Variants in VSIG4 observed in about 807,000 individuals in gnomAD.
VSIG4 encodes V-set and immunoglobulin domain-containing protein 4.
A neutral mutation model predicts 23.4 loss-of-function variants in VSIG4; 34 were observed. The observed-to-expected ratio is 1.45, with a 90% CI of 1.10 to 1.93. VSIG4 has a LOEUF of 1.93. VSIG4 is among the 30% of genes most tolerant of loss of function. The pLI is 0.00. For synonymous variants in VSIG4, 169 were observed against 120.3 expected (o/e 1.41, Z -2.65); for missense variants, 433 against 310.8 (o/e 1.39, Z -2.96).
chrX:66,033,810 G>C lies in VSIG4; in HGVS notation c.76C>G (p.Pro26Ala). The change falls in exon 2 of 8, where the codon CCA (proline) becomes GCA (alanine). Residue 26 changes from proline (P) to alanine (A), a missense_variant. Pro to Ala is a conservative substitution (Grantham distance 27). Coordinates refer to ENST00000374737, the MANE Select transcript of VSIG4 (RefSeq NM_007268.3). Reference sequence around the variant, plus strand: ...TTCCAAGGTCCTGTTACACTCTCTGGCACTTCCAGGATGGGACGGCCTGAA... The same window carrying C: ...TTCCAAGGTCCTGTTACACTCTCTGCCACTTCCAGGATGGGACGGCCTGAA... ...DTYGRPILEV[P>A]ESVTGPWKGD... 1 of 1,207,082 alleles carries C rather than the reference G, an allele frequency of 8.3e-7. No homozygotes were observed. Among genetic ancestry groups the C allele is most frequent in the Non-Finnish European group, 1.1e-6 (1 of 892,852 alleles).
chrX:66,037,534 CATAATATATT>C (rs2085626304), intron 1 of VSIG4, among the ~76,000 whole-genome samples: 1 of 13,706 alleles, frequency 7.3e-5, no homozygotes, highest in African/African-American at 4.0e-4. Context: ...ATAATATATT[CATAATATATT>C]ATATTATATT....
In VSIG4 at chrX:66,033,666, C is replaced by T. The variant is rs779748288; in HGVS notation, c.220G>A (p.Gly74Arg). ...PVTIFLRDSSGDHIQQAKYQG... is the reference protein window; with the variant it reads ...PVTIFLRDSSRDHIQQAKYQG... The stretch of plus-strand genomic sequence containing the variant: ...TACTTTGCCTGCTGGATATGGTCTC[C>T]AGAAGAGTCACGTAGAAAGATGGTG... Residue 74 changes from glycine (G) to arginine (R), a missense_variant, in exon 2 of 8, where the codon GGA becomes AGA. Coordinates refer to ENST00000374737, the MANE Select transcript of VSIG4 (RefSeq NM_007268.3). The T allele has an allele frequency of 1.7e-5, 21 of 1,209,311 alleles. No homozygotes were observed. Among genetic ancestry groups the T allele is most frequent in the Non-Finnish European group, 2.3e-5 (21 of 895,060 alleles).
intron 1 of VSIG4, among the ~76,000 whole-genome samples, chrX:66,034,189 C>A (rs891268829): frequency 8.9e-6 from 1 of 112,321 alleles, no homozygotes; most frequent in Non-Finnish European, 1.9e-5. Flanking sequence ...TCTATCAAAT[C>A]TGTCATTCTG....
At chrX:66,023,978 G>A (rs910031783) in intron 6 of VSIG4, among the ~76,000 whole-genome samples, 4 of 112,406 alleles carry the variant, frequency 3.6e-5, no homozygotes, top group Admixed American at 2.8e-4. Flanking sequence ...TCAGCCTCAT[G>A]GTGATAAACA....
At chrX:66,039,657 T>C (rs2085660680) in intron 1 of VSIG4, among the ~76,000 whole-genome samples, 1 of 112,106 alleles carries the variant, frequency 8.9e-6, no homozygotes, top group African/African-American at 3.2e-5. Context: ...CGGATGTCAT[T>C]GGGAACCTTC....
chrX:66,034,713 A>G (rs2085514451), intron 1 of VSIG4, among the ~76,000 whole-genome samples: 1 of 93,832 alleles, frequency 1.1e-5, no homozygotes, highest in Non-Finnish European at 2.1e-5. Flanking sequence ...GGGTGGTGAT[A>G]GAAGCAATGG....
chrX:66,037,349 T>C (rs1219375681), intron 1 of VSIG4, among the ~76,000 whole-genome samples: 1 of 33,669 alleles, frequency 3.0e-5, no homozygotes, highest in African/African-American at 1.9e-4. Context: ...ATATAATATA[T>C]AATATATATT....
chrX:66,025,276 A>C (rs983768386), intron 5 of VSIG4, 147 bp from the exon 6 acceptor site: 26 of 393,256 alleles, frequency 6.6e-5, no homozygotes, highest in Non-Finnish European at 1.0e-4. Flanking sequence ...GAGAGAAAAA[A>C]CTCCAGTCCC....
chrX:66,032,457 G>T lies in VSIG4; in HGVS notation c.694+11C>A. On this transcript the variant is annotated intron_variant, in intron 3 of 7. Transcript: ENST00000374737. ...GTGTTAAGATGCTCACCAGGAAAGA[G>T]GGCCGCTCACCTTTGACCACAAACT... is the stretch of plus-strand genomic sequence containing the variant. The T allele has an allele frequency of 8.3e-7, 1 of 1,203,505 alleles. No homozygotes were observed. The highest frequency in any genetic ancestry group is 1.8e-5 in the South Asian group (1 of 56,401).
At chrX:66,022,597 G>T in intron 7 of VSIG4, 97 bp from the exon 8 acceptor site, 1 of 1,153,943 alleles carries the variant, frequency 8.7e-7, no homozygotes, top group Non-Finnish European at 1.2e-6. Context: ...TAATTATCAG[G>T]ATCCTACCAC....
At chrX:66,037,533 T>A (rs1460468156) in intron 1 of VSIG4, among the ~76,000 whole-genome samples, 1 of 16,255 alleles carries the variant, frequency 6.2e-5, no homozygotes, top group East Asian at 9.7e-4. Flanking sequence ...TATAATATAT[T>A]CATAATATAT....
chrX:66,027,403 G>T (rs185804017), intron 5 of VSIG4, 46 bp downstream of exon 5: 80 of 1,101,181 alleles, frequency 7.3e-5, no homozygotes, highest in Admixed American at 4.4e-4. Context: ...TGGTCACAAA[G>T]CTTAGAGTCA....
chrX:66,037,473 A>T (rs865784564), intron 1 of VSIG4, among the ~76,000 whole-genome samples: 30 of 47,997 alleles, frequency 6.3e-4, no homozygotes, highest in East Asian at 5.4e-3. Flanking sequence ...TAATATATAT[A>T]ATAATTATAT....
Position 66,033,840 on chromosome X carries a change from C to A in VSIG4, c.56-10G>T, listed in dbSNP as rs754269568. On this transcript the variant is annotated splice_polypyrimidine_tract_variant and intron_variant, in intron 1 of 7. Transcript: ENST00000374737. ...TCCAGGATGGGACGGCCTGAAGAGG[C>A]GGAACAGAGGAAAGAAGCAAACGTA... 1.7e-6 allele frequency: 2 copies of A among 1,179,935 alleles called. No individual in the cohort carries two copies. Among genetic ancestry groups the A allele is most frequent in the Non-Finnish European group, 2.3e-6 (2 of 874,125 alleles).
At chrX:66,031,295 C>T (rs112505575) in intron 3 of VSIG4, among the ~76,000 whole-genome samples, 1,610 of 110,312 alleles carry the variant, frequency 0.015, 32 homozygotes, top group African/African-American at 0.051. Flanking sequence ...TTTCTGGTCA[C>T]GCCCTGCCCT....
In VSIG4 at chrX:66,022,022, A is replaced by T. The variant is rs1049368348; in HGVS notation, c.*241T>A. 2.7e-6 allele frequency: 3 copies of T among 1,122,708 alleles called. No individual in the cohort carries two copies. The highest frequency in any genetic ancestry group is 3.7e-5 in the African/African-American group (2 of 54,735). 92.5% of individuals were successfully genotyped at this position (1,122,708 alleles called of 1,213,427 possible). On this transcript the variant is annotated 3_prime_UTR_variant, in exon 8 of 8. Transcript: ENST00000374737. ...GGCATCTTCCCTCTGGTATTTAGAG[A>T]GGAGTACCAGAAGCCCCCGGCAGAG...
chrX:66,036,160 T>C (rs1488303767), intron 1 of VSIG4, among the ~76,000 whole-genome samples: 2 of 110,906 alleles, frequency 1.8e-5, no homozygotes, highest in Non-Finnish European at 3.8e-5. Flanking sequence ...CTTCCTCCTT[T>C]ATTTCTTCCA....
intron 7 of VSIG4, 94 bp from the exon 8 acceptor site, chrX:66,022,594 C>T: frequency 8.7e-7 from 1 of 1,154,915 alleles, no homozygotes; most frequent in South Asian, 2.1e-5. Context: ...AATTAATTAT[C>T]AGGATCCTAC....
At chrX:66,039,509 T>C (rs767960244) in intron 1 of VSIG4, among the ~76,000 whole-genome samples, 19 of 111,620 alleles carry the variant, frequency 1.7e-4, no homozygotes, top group African/African-American at 5.5e-4. Flanking sequence ...ATAGGTTACT[T>C]CTATAGTCCT....
Sources: allele counts gnomAD v4.1 joint callset (sites outside exome capture counted in the v4.1 genomes callset), GRCh38; gene constraint gnomAD v4.1.1; transcripts MANE v1.5; gene names NCBI Gene and HGNC (gene_info 2026-07-23, HGNC 2026-07-21).